The following NEGR1 variants were observed in gnomAD, a reference collection of about 807,000 sequenced individuals.
NEGR1 encodes IgLON family member 4.
NEGR1 carries 10 observed loss-of-function variants against 40.9 expected under a neutral mutation model. The observed-to-expected ratio is 0.24, with a 90% confidence interval of 0.15 to 0.42. The LOEUF (loss-of-function observed/expected upper bound fraction) is 0.42. Among genes scored for constraint, NEGR1 ranks in the 10% least tolerant of loss-of-function variants. The pLI, the probability that NEGR1 is intolerant of heterozygous loss-of-function variation, is 1.00. For synonymous variants in NEGR1, 185 were observed against 166.8 expected, an observed-to-expected ratio of 1.11 and a Z score of -0.84; for missense variants, 352 against 438.9, an observed-to-expected ratio of 0.80 and a Z score of 1.77.
chr1:71,670,062 C>A (rs4556309), intron 4 of NEGR1, among the ~76,000 whole-genome samples: 149,678 of 152,232 alleles, frequency 0.98, 73,626 homozygotes, highest in Middle Eastern at 1. Context: ...TCTTTCCTTC[C>A]TTTCTCCGTT....
intron 4 of NEGR1, among the ~76,000 whole-genome samples, chr1:71,636,726 A>G (rs544348352): frequency 1.2e-4 from 18 of 152,128 alleles, no homozygotes; most frequent in Non-Finnish European, 2.1e-4. Context: ...GCCATTTTTT[A>G]ATTTGCAAAA....
chr1:71,443,531 G>A (rs1301821990), intron 6 of NEGR1, among the ~76,000 whole-genome samples: 2 of 152,186 alleles, frequency 1.3e-5, no homozygotes, highest in African/African-American at 2.4e-5. Context: ...CAGTACAAGT[G>A]CAGAATAGCC....
intron 1 of NEGR1, among the ~76,000 whole-genome samples, chr1:72,118,943 T>TA (rs923437701): frequency 1.6e-4 from 24 of 151,782 alleles, no homozygotes; most frequent in African/African-American, 4.6e-4. Context: ...CCCACAATAT[T>TA]AAAAAAACTT....
At chr1:71,668,533 C>T (rs1272722349) in intron 4 of NEGR1, among the ~76,000 whole-genome samples, 1 of 152,024 alleles carries the variant, frequency 6.6e-6, no homozygotes, top group Admixed American at 6.6e-5. Context: ...AGAGAAACGT[C>T]GTTAAAGCTT....
chr1:71,711,969 G>C (rs1048551437), intron 3 of NEGR1, among the ~76,000 whole-genome samples: 2 of 152,072 alleles, frequency 1.3e-5, no homozygotes, highest in African/African-American at 2.4e-5. Flanking sequence ...TATAGAAATG[G>C]CAAAACTATC....
At chr1:72,143,328 T>C (rs1054364757) in intron 1 of NEGR1, among the ~76,000 whole-genome samples, 19 of 151,946 alleles carry the variant, frequency 1.3e-4, no homozygotes, top group African/African-American at 3.9e-4. Flanking sequence ...TTCCCCAAGA[T>C]TGGCCTGAGC....
At chr1:71,569,179 G>A (rs61765007) in intron 6 of NEGR1, among the ~76,000 whole-genome samples, 1,733 of 152,258 alleles carry the variant, frequency 0.011, 22 homozygotes, top group Middle Eastern at 0.017. Flanking sequence ...GCCTCCCAAA[G>A]TGCTGGGATT....
intron 2 of NEGR1, among the ~76,000 whole-genome samples, chr1:71,868,669 T>C (rs1431240677): frequency 6.6e-6 from 1 of 152,162 alleles, no homozygotes; most frequent in Non-Finnish European, 1.5e-5. Flanking sequence ...TTCTAATATC[T>C]TAATCATATC....
At chr1:71,856,404 A>G (rs1315684002) in intron 2 of NEGR1, among the ~76,000 whole-genome samples, 2 of 152,148 alleles carry the variant, frequency 1.3e-5, no homozygotes, top group African/African-American at 4.8e-5. Context: ...TTATTTATCC[A>G]TTAATTTCAC....
At chr1:72,223,011 C>T (rs1340805231) in intron 1 of NEGR1, among the ~76,000 whole-genome samples, 1 of 152,088 alleles carries the variant, frequency 6.6e-6, no homozygotes, top group Non-Finnish European at 1.5e-5. Context: ...GCCTACTGGA[C>T]ATTTAAAATA....
chr1:72,205,549 ATT>A (rs74950870), intron 1 of NEGR1, among the ~76,000 whole-genome samples: 4,413 of 141,420 alleles, frequency 0.031, 97 homozygotes, highest in African/African-American at 0.061. Context: ...GCCTTGCTAC[ATT>A]TTTTTTTTTT....
rs545744866 is a variant in NEGR1 at position 71,618,377 on chromosome 1, A to G, written c.668-7231T>C. Reference sequence around the variant, plus strand: ...ATGTTTGGGACAACCTCAAATCTCCATAAGTTCTGGATTAAGGTCAAGACA... The same window carrying G: ...ATGTTTGGGACAACCTCAAATCTCCGTAAGTTCTGGATTAAGGTCAAGACA... On this transcript the variant is annotated intron_variant, in intron 4 of 6. Coordinates refer to ENST00000357731, the MANE Select transcript of NEGR1 (RefSeq NM_173808.3). Among the ~76,000 whole-genome samples the G allele has an allele frequency of 4.6e-5, 7 of 152,258 alleles. No homozygotes were observed. The East Asian group carries it at 9.7e-4, about 21-fold the overall frequency.
intron 4 of NEGR1, among the ~76,000 whole-genome samples, chr1:71,662,005 A>G (rs1311578339): frequency 6.6e-6 from 1 of 152,202 alleles, no homozygotes; most frequent in Non-Finnish European, 1.5e-5. Flanking sequence ...TAAATGAAAT[A>G]ACATATGTAG....
At chr1:71,465,927 G>GA in intron 6 of NEGR1, among the ~76,000 whole-genome samples, 1 of 151,940 alleles carries the variant, frequency 6.6e-6, no homozygotes, top group African/African-American at 2.4e-5. Flanking sequence ...AGGATATTAG[G>GA]AAAAATGATT....
intron 6 of NEGR1, among the ~76,000 whole-genome samples, chr1:71,459,894 C>G (rs1398123387): frequency 1.3e-5 from 2 of 152,058 alleles, no homozygotes; most frequent in Non-Finnish European, 2.9e-5. Flanking sequence ...CTAAGAATAC[C>G]CAAATGGGTC....
intron 6 of NEGR1, among the ~76,000 whole-genome samples, chr1:71,531,076 G>A (rs1358042266): frequency 6.6e-6 from 1 of 151,200 alleles, no homozygotes; most frequent in Non-Finnish European, 1.5e-5. Flanking sequence ...TCTGAGTATA[G>A]AGTGGTTAAG....
chr1:72,242,479 A>G (rs1213316714), intron 1 of NEGR1, among the ~76,000 whole-genome samples: 2 of 151,632 alleles, frequency 1.3e-5, no homozygotes, highest in Non-Finnish European at 3.0e-5. Flanking sequence ...GCGACTCAAT[A>G]AATATCTCTT....
At chr1:71,647,791 T>C (rs1651582121) in intron 4 of NEGR1, among the ~76,000 whole-genome samples, 1 of 151,968 alleles carries the variant, frequency 6.6e-6, no homozygotes, top group Non-Finnish European at 1.5e-5. Flanking sequence ...TTATTAGCAC[T>C]ATATACTGAA....
At chr1:71,732,150 A>T (rs1297466488) in intron 3 of NEGR1, among the ~76,000 whole-genome samples, 1 of 152,118 alleles carries the variant, frequency 6.6e-6, no homozygotes, top group Non-Finnish European at 1.5e-5. Context: ...TCTACTAAAA[A>T]TACAGAAATT....
Sources: allele counts gnomAD v4.1 joint callset (sites outside exome capture counted in the v4.1 genomes callset), GRCh38; gene constraint gnomAD v4.1.1; transcripts MANE v1.5; gene names NCBI Gene and HGNC (gene_info 2026-07-23, HGNC 2026-07-21).